The following PELI2 variants were observed in gnomAD, a reference collection of about 807,000 sequenced individuals.
The protein encoded by PELI2 is E3 ubiquitin-protein ligase pellino homolog 2.
A neutral mutation model predicts 42.3 loss-of-function variants in PELI2; 23 were observed. That is an observed-to-expected ratio of 0.54 (90% CI 0.39 to 0.77). PELI2 has a LOEUF of 0.77. PELI2 is among the 30% of genes least tolerant of loss of function. The probability of loss-of-function intolerance (pLI) is 0.00; values close to 1 mark genes in which losing one functional copy is unlikely to be tolerated. For missense variants in PELI2, 463 were observed against 553.2 expected (o/e 0.84, Z 1.64); for synonymous variants, 245 against 212.2 (o/e 1.15, Z -1.34).
rs1053794723 is a variant in PELI2 at position 56,299,302 on chromosome 14, C to T, written c.*2136C>T. On this transcript the variant is annotated 3_prime_UTR_variant, in exon 6 of 6. Coordinates refer to ENST00000267460, the MANE Select transcript of PELI2 (RefSeq NM_021255.3). ...AGTCATTCTGCAACGTGACATATCCCCCAAAATGAAGTTACCTTCCAAGTT... is the reference window on the plus strand; with the variant it reads ...AGTCATTCTGCAACGTGACATATCCTCCAAAATGAAGTTACCTTCCAAGTT... 3 of 152,192 alleles carry T rather than the reference C, an allele frequency of 2.0e-5. No individual in the cohort carries two copies. The allele number at this position is 152,192 out of a possible 1,614,324, so 9.4% of individuals were successfully genotyped here. A position where few individuals can be genotyped will look rare whatever the true frequency, so the allele number is the denominator to read the frequency against.
chr14:56,160,399 C>A (rs1408748686), intron 1 of PELI2, among the ~76,000 whole-genome samples: 4 of 152,102 alleles, frequency 2.6e-5, no homozygotes, highest in African/African-American at 9.7e-5. Flanking sequence ...CCCTTTGCAC[C>A]AGGTCTTTTA....
intron 2 of PELI2, among the ~76,000 whole-genome samples, chr14:56,191,752 C>T (rs189080410): frequency 2.0e-5 from 3 of 152,192 alleles, no homozygotes; most frequent in Non-Finnish European, 4.4e-5. Flanking sequence ...ATTTTGAGAA[C>T]TTTGTACTTG....
chr14:56,288,749 G>C lies in PELI2; in HGVS notation c.507+115G>C. On this transcript the variant is annotated intron_variant, in intron 4 of 5. Transcript: ENST00000267460. This position sits in a 1 kb window ranked among gnomAD's most constrained non-coding sequence, Gnocchi z 4.6. Reference sequence around the variant, plus strand: ...TGTATGTTGCCTCTAGTGAGATTTTGAGATTTTAGTTTTCAGGTGGCCAGT... The same window carrying C: ...TGTATGTTGCCTCTAGTGAGATTTTCAGATTTTAGTTTTCAGGTGGCCAGT... 1.4e-6 allele frequency: 1 copy of C among 727,716 alleles called. No homozygotes were observed. The allele number at this position is 727,716 out of a possible 1,614,324, so 45.1% of individuals were successfully genotyped here.
intron 1 of PELI2, among the ~76,000 whole-genome samples, chr14:56,128,386 A>C (rs1230532847): frequency 6.6e-6 from 1 of 152,212 alleles, no homozygotes; most frequent in Non-Finnish European, 1.5e-5. Context: ...CCAGGAGTTC[A>C]AATTTATTAT....
chr14:56,210,957 G>A (rs527236234), intron 2 of PELI2, among the ~76,000 whole-genome samples: 18 of 152,190 alleles, frequency 1.2e-4, no homozygotes, highest in Admixed American at 9.8e-4. Flanking sequence ...GTTCCTTTTG[G>A]TGGTAGGTAT....
chr14:56,292,814 G>A (rs187177807), intron 5 of PELI2: 209 of 951,762 alleles, frequency 2.2e-4, no homozygotes, highest in Non-Finnish European at 2.5e-4. Flanking sequence ...GAATAAATAG[G>A]TGAATGGAGT....
At chr14:56,208,419 A>G (rs11624369) in intron 2 of PELI2, among the ~76,000 whole-genome samples, 2 of 152,050 alleles carry the variant, frequency 1.3e-5, no homozygotes, top group African/African-American at 2.4e-5. Flanking sequence ...AAGTATTTCT[A>G]TTTCACTGGA....
chr14:56,128,633 C>A (rs4898882), intron 1 of PELI2, among the ~76,000 whole-genome samples: 2 of 151,678 alleles, frequency 1.3e-5, no homozygotes, highest in African/African-American at 4.9e-5. Context: ...AAAAGCATGG[C>A]GATTTTGGAA....
At chr14:56,266,854 C>G (rs1311639764) in intron 2 of PELI2, among the ~76,000 whole-genome samples, 1 of 151,930 alleles carries the variant, frequency 6.6e-6, no homozygotes, top group Non-Finnish European at 1.5e-5. Flanking sequence ...AAAAAAGATG[C>G]ATTAAATAAA....
intron 2 of PELI2, among the ~76,000 whole-genome samples, chr14:56,184,213 C>A (rs1463276603): frequency 6.6e-6 from 1 of 151,858 alleles, no homozygotes; most frequent in East Asian, 1.9e-4. Flanking sequence ...ACATGATATA[C>A]TAACCAATGT....
intron 1 of PELI2, among the ~76,000 whole-genome samples, chr14:56,134,770 G>T (rs1951955): frequency 6.7e-6 from 1 of 148,360 alleles, no homozygotes; most frequent in African/African-American, 2.5e-5. Context: ...AATCTTGTCA[G>T]TAAACTATTT....
intron 1 of PELI2, among the ~76,000 whole-genome samples, chr14:56,155,339 T>C (rs1884516507): frequency 6.6e-6 from 1 of 152,150 alleles, no homozygotes; most frequent in Non-Finnish European, 1.5e-5. Context: ...ATTTTATGAC[T>C]GTTCAGATCG....
chr14:56,292,849 CTAGT>C (rs1889875224), intron 5 of PELI2: 1 of 940,572 alleles, frequency 1.1e-6, no homozygotes. Flanking sequence ...CCTTTTTTAG[CTAGT>C]TAATGATAAC....
In PELI2 at chr14:56,299,557, G is replaced by A. The variant is rs1216244529; in HGVS notation, c.*2391G>A. On this transcript the variant is annotated 3_prime_UTR_variant, in exon 6 of 6. Coordinates refer to ENST00000267460, the MANE Select transcript of PELI2 (RefSeq NM_021255.3). ...TGGCAAATCAGCAAAAAGGACACCA[G>A]GCTCTTCTTGGCCACTTGTAGGAAG... 1 of 152,132 alleles carries A rather than the reference G, an allele frequency of 6.6e-6. No homozygotes were observed. Among genetic ancestry groups the A allele is most frequent in the African/African-American group, 2.4e-5 (1 of 41,430 alleles). 9.4% of individuals were successfully genotyped at this position (152,132 alleles called of 1,614,324 possible). A position where few individuals can be genotyped will look rare whatever the true frequency, so the allele number is the denominator to read the frequency against.
chr14:56,236,182 T>C (rs949877157), intron 2 of PELI2, among the ~76,000 whole-genome samples: 7 of 152,244 alleles, frequency 4.6e-5, no homozygotes, highest in African/African-American at 1.7e-4. Context: ...TTAATTACTC[T>C]AGTATGTTTC....
intron 2 of PELI2, among the ~76,000 whole-genome samples, chr14:56,181,507 T>C: frequency 6.6e-6 from 1 of 152,232 alleles, no homozygotes; most frequent in East Asian, 1.9e-4. Flanking sequence ...TCTTTGATTG[T>C]AGTTGGGAAA....
chr14:56,292,683 G>T, intron 5 of PELI2: 1 of 584,006 alleles, frequency 1.7e-6, no homozygotes, highest in Non-Finnish European at 2.2e-6. Context: ...TAATGTATGT[G>T]TAACAAGAAA....
intron 2 of PELI2, among the ~76,000 whole-genome samples, chr14:56,248,236 A>C (rs1217804353): frequency 3.3e-5 from 5 of 152,226 alleles, no homozygotes; most frequent in Admixed American, 2.6e-4. Context: ...CGAACATGTC[A>C]TATGAGCCGA....
intron 1 of PELI2, among the ~76,000 whole-genome samples, chr14:56,138,705 C>T (rs1235210093): frequency 1.3e-5 from 2 of 152,094 alleles, no homozygotes; most frequent in Non-Finnish European, 2.9e-5. Flanking sequence ...GCATTTATTC[C>T]ATTTCAGACT....
Sources: allele counts gnomAD v4.1 joint callset (sites outside exome capture counted in the v4.1 genomes callset), GRCh38; gene constraint gnomAD v4.1.1; non-coding constraint Gnocchi (gnomAD v3.1); transcripts MANE v1.5; gene names NCBI Gene and HGNC (gene_info 2026-07-23, HGNC 2026-07-21).